The following MEI1 variants were observed in gnomAD, a reference collection of about 807,000 sequenced individuals.
MEI1 encodes the protein meiosis inhibitor protein 1.
Under a neutral mutation model 146.2 loss-of-function variants are expected in MEI1, and 103 were observed. The observed-to-expected ratio is 0.70, with a 90% CI of 0.60 to 0.83. MEI1 has a LOEUF of 0.83. Among genes scored for constraint, MEI1 ranks in the 40% least tolerant of loss-of-function variants. MEI1 has a pLI of 0.00. For synonymous variants in MEI1, 652 were observed against 628.2 expected (o/e 1.04, Z -0.57); for missense variants, 1,529 against 1,533.0 (o/e 1.00, Z 0.04).
chr22:41,729,009 C>A (rs1001757392), intron 7 of MEI1, among the ~76,000 whole-genome samples: 6 of 149,892 alleles, frequency 4.0e-5, no homozygotes, highest in African/African-American at 1.5e-4. Flanking sequence ...ACTAAAAATA[C>A]AAAAATTAGC....
chr22:41,750,504 C>T (rs549656100), intron 15 of MEI1, among the ~76,000 whole-genome samples: 1 of 152,178 alleles, frequency 6.6e-6, no homozygotes, highest in East Asian at 1.9e-4. Context: ...GGAATGAGTG[C>T]AAGATGAGGC....
At chr22:41,703,935 C>T (rs1266831637) in intron 2 of MEI1, among the ~76,000 whole-genome samples, 3 of 152,100 alleles carry the variant, frequency 2.0e-5, no homozygotes, top group African/African-American at 7.2e-5. Flanking sequence ...GCAGTGAGAC[C>T]AGTTCGTGCC....
intron 19 of MEI1, among the ~76,000 whole-genome samples, chr22:41,767,234 T>A (rs1292716099): frequency 6.6e-6 from 1 of 152,238 alleles, no homozygotes; most frequent in Non-Finnish European, 1.5e-5. Flanking sequence ...TGGTACCATT[T>A]ACCTGTGAAT....
chr22:41,775,796 G>T (rs554252364), intron 20 of MEI1, among the ~76,000 whole-genome samples: 3 of 151,874 alleles, frequency 2.0e-5, no homozygotes, highest in Non-Finnish European at 4.4e-5. Flanking sequence ...GGGTTTCACC[G>T]TGTTAGCCAG....
rs1569293169 is a variant in MEI1 at position 41,770,631 on chromosome 22, G to A, written c.2269-55G>A. On this transcript the variant is annotated intron_variant, in intron 19 of 30. Coordinates refer to ENST00000401548, the MANE Select transcript of MEI1 (RefSeq NM_152513.4). The stretch of plus-strand genomic sequence containing the variant: ...CTAGTCATCTCTTGGCCATGTTGGG[G>A]TCTCTTGGGTCCTCTGCAAGGTGTA... 3.3e-6 allele frequency: 5 copies of A among 1,524,692 alleles called. No homozygotes were observed. In the East Asian group the frequency reaches 6.8e-5, roughly 21 times the overall value. The allele number at this position is 1,524,692 out of a possible 1,614,324, so 94.4% of individuals were successfully genotyped here.
chr22:41,799,162 G>A (rs529094226), intron 30 of MEI1, 92 bp from the exon 31 acceptor site: 3 of 1,229,034 alleles, frequency 2.4e-6, no homozygotes, highest in Admixed American at 1.8e-5. Context: ...GTTCTTGCCT[G>A]ACCATTCTTG....
intron 7 of MEI1, among the ~76,000 whole-genome samples, chr22:41,724,616 CAAA>C (rs545418662): frequency 1.9e-4 from 14 of 74,986 alleles, no homozygotes; most frequent in Admixed American, 5.5e-4. Context: ...GACTCTGTCT[CAAA>C]AAAAAAAAAA....
chr22:41,774,129 C>T (rs1271825017), intron 20 of MEI1: 1 of 152,132 alleles, frequency 6.6e-6, no homozygotes, highest in African/African-American at 2.4e-5. Context: ...ATCACAGAAA[C>T]TCTGTTTGTT....
intron 15 of MEI1, among the ~76,000 whole-genome samples, chr22:41,752,000 G>A (rs1202842893): frequency 6.6e-6 from 1 of 151,974 alleles, no homozygotes; most frequent in Non-Finnish European, 1.5e-5. Flanking sequence ...AACCCGGGAG[G>A]TGGAGGTTGC....
intron 4 of MEI1, 130 bp downstream of exon 4, chr22:41,714,205 T>C (rs968477257): frequency 6.1e-6 from 5 of 819,112 alleles, no homozygotes; most frequent in Non-Finnish European, 9.8e-6. Context: ...ACTGAGTTGG[T>C]GGCAGAGTCA....
chr22:41,786,056 G>T (rs1290446433), intron 26 of MEI1, among the ~76,000 whole-genome samples: 2 of 147,966 alleles, frequency 1.4e-5, no homozygotes, highest in East Asian at 4.0e-4. Flanking sequence ...GACTACAGGC[G>T]CCCGCTACCA....
intron 14 of MEI1, among the ~76,000 whole-genome samples, chr22:41,746,802 TGAA>T (rs1166901659): frequency 6.6e-6 from 1 of 152,096 alleles, no homozygotes; most frequent in African/African-American, 2.4e-5. Context: ...CTCTCTTCCT[TGAA>T]GAAGCCATTG....
At chr22:41,781,149 G>A (rs1164787389) in intron 22 of MEI1, 135 bp from the exon 23 acceptor site, 8 of 656,892 alleles carry the variant, frequency 1.2e-5, no homozygotes, top group Non-Finnish European at 2.2e-5. Flanking sequence ...TCTTTCCATT[G>A]GTTGTAATAT....
intron 18 of MEI1, among the ~76,000 whole-genome samples, chr22:41,759,115 C>T (rs1307964862): frequency 2.0e-5 from 3 of 152,044 alleles, no homozygotes; most frequent in African/African-American, 7.2e-5. Flanking sequence ...TGCACTCCAG[C>T]CTGGGTGACA....
chr22:41,766,297 A>G (rs79729675), intron 19 of MEI1, among the ~76,000 whole-genome samples: 1,676 of 150,660 alleles, frequency 0.011, 33 homozygotes, highest in African/African-American at 0.039. Context: ...TCAGTGCCCC[A>G]AGTAGCTGGG....
At chr22:41,760,374 T>G (rs1237058967) in intron 18 of MEI1, among the ~76,000 whole-genome samples, 5 of 151,856 alleles carry the variant, frequency 3.3e-5, no homozygotes, top group Non-Finnish European at 5.9e-5. Flanking sequence ...CCGGGCGTGG[T>G]GGCAGGCGCC....
intron 11 of MEI1, among the ~76,000 whole-genome samples, chr22:41,735,511 G>C (rs1253908608): frequency 6.6e-6 from 1 of 152,144 alleles, no homozygotes; most frequent in African/African-American, 2.4e-5. Context: ...GGGATTACAG[G>C]CGTGAGCCAC....
intron 20 of MEI1, 184 bp from the exon 21 acceptor site, chr22:41,775,918 G>A: frequency 1.8e-6 from 1 of 562,300 alleles, no homozygotes; most frequent in Non-Finnish European, 3.2e-6. Context: ...TCTAAGGGAT[G>A]GTTTTGAGGC....
intron 7 of MEI1, among the ~76,000 whole-genome samples, chr22:41,726,867 G>A (rs1395036802): frequency 6.6e-6 from 1 of 151,320 alleles, no homozygotes; most frequent in Admixed American, 6.6e-5. Flanking sequence ...TCCACCTCCC[G>A]GATTCATGCC....
Sources: allele counts gnomAD v4.1 joint callset (sites outside exome capture counted in the v4.1 genomes callset), GRCh38; gene constraint gnomAD v4.1.1; transcripts MANE v1.5; gene names NCBI Gene and HGNC (gene_info 2026-07-23, HGNC 2026-07-21).